SH3RF1: variants seen among roughly 807,000 people sequenced by gnomAD.
SH3RF1 encodes SH3 domain containing ring finger 1.
A neutral mutation model predicts 74.0 loss-of-function variants in SH3RF1; 32 were observed. The observed-to-expected ratio is 0.43, with a 90% CI of 0.33 to 0.58. The LOEUF is 0.58. SH3RF1 is among the 20% of genes least tolerant of loss of function. SH3RF1 has a pLI of 0.05. For missense variants in SH3RF1, 954 were observed against 1,130.9 expected (o/e 0.84, Z 2.24); for synonymous variants, 396 against 439.6 (o/e 0.90, Z 1.24).
chr4:169,192,005 A>G (rs1358647468), intron 2 of SH3RF1, among the ~76,000 whole-genome samples: 1 of 152,166 alleles, frequency 6.6e-6, no homozygotes, highest in East Asian at 1.9e-4. Flanking sequence ...ATGACCAAGA[A>G]CCCAAAAGCA....
intron 2 of SH3RF1, among the ~76,000 whole-genome samples, chr4:169,260,507 A>C (rs1167560974): frequency 2.6e-5 from 4 of 152,196 alleles, no homozygotes; most frequent in African/African-American, 7.2e-5. Context: ...AAAGCCAGGG[A>C]TGAAGTGCTA....
intron 2 of SH3RF1, among the ~76,000 whole-genome samples, chr4:169,219,767 A>G (rs1730532094): frequency 6.6e-6 from 1 of 152,222 alleles, no homozygotes; most frequent in Admixed American, 6.5e-5. Flanking sequence ...TGTAGGTGAG[A>G]ATACTTCTTC....
Position 169,114,529 on chromosome 4 carries a change from T to A in SH3RF1, c.2139+1740A>T, listed in dbSNP as rs186109107. Among the ~76,000 whole-genome samples the A allele has an allele frequency of 1.4e-3, 207 of 151,496 alleles. 4 individuals are homozygous for A. In the East Asian group the frequency reaches 0.031, roughly 23 times the overall value. On this transcript the variant is annotated intron_variant, in intron 10 of 11. Transcript: ENST00000284637. ...CCTTGGGGAGTCACTATTCTGTCTA[T>A]CACAAGTACCTTTCAAGCCTTAGAG... is the stretch of plus-strand genomic sequence containing the variant.
chr4:169,171,590 G>A (rs1734328256), intron 2 of SH3RF1, among the ~76,000 whole-genome samples: 1 of 152,180 alleles, frequency 6.6e-6, no homozygotes, highest in Non-Finnish European at 1.5e-5. Flanking sequence ...TTCTAAGGGA[G>A]CATGATTTAG....
intron 2 of SH3RF1, among the ~76,000 whole-genome samples, chr4:169,212,052 C>CTTTTCTTT: frequency 9.4e-6 from 1 of 106,498 alleles, no homozygotes; most frequent in Non-Finnish European, 1.9e-5. Flanking sequence ...TTTTTCTTTT[C>CTTTTCTTT]TTTTCTTTTT....
chr4:169,162,759 A>G (rs191402131), intron 2 of SH3RF1, among the ~76,000 whole-genome samples: 17 of 152,240 alleles, frequency 1.1e-4, no homozygotes, highest in Admixed American at 9.8e-4. Flanking sequence ...CTTTCTCCAG[A>G]AGTAGACTCT....
intron 2 of SH3RF1, among the ~76,000 whole-genome samples, chr4:169,196,699 T>C (rs1734818073): frequency 6.6e-6 from 1 of 152,174 alleles, no homozygotes; most frequent in African/African-American, 2.4e-5. Context: ...AAGCAGACTT[T>C]TTTATACTTT....
At chr4:169,194,750 C>T in intron 2 of SH3RF1, among the ~76,000 whole-genome samples, 1 of 152,082 alleles carries the variant, frequency 6.6e-6, no homozygotes, top group Non-Finnish European at 1.5e-5. Context: ...ATAGGGTATG[C>T]ATTTCATAAA....
chr4:169,142,725 A>C (rs1210774298), intron 4 of SH3RF1, among the ~76,000 whole-genome samples: 1 of 152,216 alleles, frequency 6.6e-6, no homozygotes, highest in Non-Finnish European at 1.5e-5. Context: ...TAAGTCAGTC[A>C]CTTTGAAGAA....
At chr4:169,119,845 G>A (rs1488773664) in intron 8 of SH3RF1, among the ~76,000 whole-genome samples, 1 of 151,930 alleles carries the variant, frequency 6.6e-6, no homozygotes, top group Non-Finnish European at 1.5e-5. Context: ...GACCTGGACT[G>A]TATATTAAAC....
rs780502732 is a variant in SH3RF1 at position 169,106,858 on chromosome 4, G to A, written c.2487C>T (p.Val829=). ...LGPVLNESRP[V]VCERHRVVVS... is the part of the protein sequence containing the mutation. ...GAAGTTGAACTTACCTTTCACAAAC[G>A]ACAGGTCTAGACTCATTCAAGACAG... Residue 829 remains valine (V), a synonymous_variant, in exon 11 of 12, where the codon GTC becomes GTT. Coordinates refer to ENST00000284637, the MANE Select transcript of SH3RF1 (RefSeq NM_020870.4). The A allele has an allele frequency of 1.2e-5, 18 of 1,550,734 alleles. No individual in the cohort carries two copies. The East Asian group carries it at 1.8e-4, about 16-fold the overall frequency.
chr4:169,255,568 A>C (rs1236768519), intron 2 of SH3RF1, among the ~76,000 whole-genome samples: 1 of 150,266 alleles, frequency 6.7e-6, no homozygotes, highest in Admixed American at 6.7e-5. Context: ...CAAAGGAATA[A>C]AACACTACAC....
chr4:169,157,652 T>G (rs1734081708), intron 2 of SH3RF1, among the ~76,000 whole-genome samples: 1 of 152,208 alleles, frequency 6.6e-6, no homozygotes, highest in South Asian at 2.1e-4. Context: ...TCTATAATAA[T>G]TCCCTGAACA....
intron 2 of SH3RF1, among the ~76,000 whole-genome samples, chr4:169,266,753 C>CT: frequency 6.6e-6 from 1 of 152,090 alleles, no homozygotes; most frequent in Non-Finnish European, 1.5e-5. Context: ...ATGCAAGTAG[C>CT]TAGGGGCTAG....
chr4:169,186,399 A>G (rs1734602806), intron 2 of SH3RF1, among the ~76,000 whole-genome samples: 1 of 152,028 alleles, frequency 6.6e-6, no homozygotes, highest in Admixed American at 6.5e-5. Flanking sequence ...CCACTTTATA[A>G]AACTGGTATT....
At chr4:169,240,195 A>AT (rs1047531638) in intron 2 of SH3RF1, among the ~76,000 whole-genome samples, 18 of 151,332 alleles carry the variant, frequency 1.2e-4, no homozygotes, top group African/African-American at 3.1e-4. Flanking sequence ...GTTTTACTTA[A>AT]TTTTTTTTTC....
chr4:169,252,731 C>T (rs192240872), intron 2 of SH3RF1, among the ~76,000 whole-genome samples: 4 of 152,332 alleles, frequency 2.6e-5, no homozygotes, highest in African/African-American at 7.2e-5. Flanking sequence ...AGAATAAATA[C>T]GTGCTGATGG....
chr4:169,229,802 A>C (rs1424033851), intron 2 of SH3RF1, among the ~76,000 whole-genome samples: 2 of 152,232 alleles, frequency 1.3e-5, no homozygotes, highest in Admixed American at 1.3e-4. Context: ...CAAATATCAA[A>C]TGTCAAATCA....
chr4:169,211,481 C>CAAAA (rs760721489), intron 2 of SH3RF1, among the ~76,000 whole-genome samples: 9 of 90,630 alleles, frequency 9.9e-5, no homozygotes, highest in African/African-American at 1.9e-4. Context: ...GACTCCGTCT[C>CAAAA]AAAAAAAAAA....
Sources: allele counts gnomAD v4.1 joint callset (sites outside exome capture counted in the v4.1 genomes callset), GRCh38; gene constraint gnomAD v4.1.1; transcripts MANE v1.5; gene names NCBI Gene and HGNC (gene_info 2026-07-23, HGNC 2026-07-21).